The following SHPRH variants were observed in gnomAD, a reference collection of about 807,000 sequenced individuals.
SHPRH encodes SNF2 histone linker PHD RING helicase.
SHPRH carries 106 observed loss-of-function variants against 202.5 expected under a neutral mutation model. That is an observed-to-expected ratio of 0.52 (90% confidence interval 0.45 to 0.62). The LOEUF is 0.62. SHPRH is among the 20% of genes least tolerant of loss of function. SHPRH has a pLI of 0.00. For synonymous variants in SHPRH, 729 were observed against 686.0 expected (o/e 1.06, Z -0.98); for missense variants, 1,710 against 2,020.0 (o/e 0.85, Z 2.94).
intron 3 of SHPRH, among the ~76,000 whole-genome samples, chr6:145,950,859 G>A (rs1169860198): frequency 6.3e-5 from 2 of 31,956 alleles, no homozygotes; most frequent in Non-Finnish European, 1.6e-4. Context: ...AAGCTGACAC[G>A]TAGCTGACAC....
intron 15 of SHPRH, 30 bp downstream of exon 15, chr6:145,927,159 T>C: frequency 6.3e-7 from 1 of 1,585,442 alleles, no homozygotes; most frequent in Non-Finnish European, 8.6e-7. Flanking sequence ...ACAAACAGAA[T>C]ACCTATGAAA....
chr6:145,860,502 T>C (rs13214591), downstream of SHPRH, among the ~76,000 whole-genome samples: 1 of 151,912 alleles, frequency 6.6e-6, no homozygotes, highest in African/African-American at 2.4e-5. Flanking sequence ...ATTTAAAAGA[T>C]ACAAATAAAT....
intron 25 of SHPRH, among the ~76,000 whole-genome samples, chr6:145,899,894 G>A (rs562100530): frequency 8.5e-5 from 13 of 152,096 alleles, no homozygotes; most frequent in Non-Finnish European, 1.5e-4. Context: ...AACAGGTCTA[G>A]GAAAAGGTGC....
At chr6:145,928,159 C>T (rs1328376898) in intron 14 of SHPRH, among the ~76,000 whole-genome samples, 1 of 151,948 alleles carries the variant, frequency 6.6e-6, no homozygotes, top group Non-Finnish European at 1.5e-5. Context: ...TGTTGTACTA[C>T]AACAGCCAAG....
intron 14 of SHPRH, 43 bp from the exon 15 acceptor site, chr6:145,927,320 T>C (rs372160609): frequency 1.3e-6 from 2 of 1,524,848 alleles, no homozygotes; most frequent in Non-Finnish European, 1.8e-6. Context: ...GAGTCACATA[T>C]TTAGTTCCCA....
At chr6:145,908,933 G>T (rs1403458505) in intron 25 of SHPRH, 1 of 152,084 alleles carries the variant, frequency 6.6e-6, no homozygotes, top group East Asian at 1.9e-4. Context: ...TGTGTAAGGT[G>T]TAAGGAAGGG....
chr6:145,944,737 T>C (rs902745580), intron 8 of SHPRH, among the ~76,000 whole-genome samples: 1 of 152,098 alleles, frequency 6.6e-6, no homozygotes, highest in African/African-American at 2.4e-5. Flanking sequence ...TGATTGCAAA[T>C]ATTATAACTA....
At chr6:145,933,674 A>T (rs1218515739) in intron 13 of SHPRH, among the ~76,000 whole-genome samples, 1 of 152,184 alleles carries the variant, frequency 6.6e-6, no homozygotes, top group Non-Finnish European at 1.5e-5. Flanking sequence ...ATCTTTTGAA[A>T]TTTACTATGT....
chr6:145,863,640 T>C (rs982620551), downstream of SHPRH, among the ~76,000 whole-genome samples: 6 of 151,832 alleles, frequency 4.0e-5, no homozygotes, highest in African/African-American at 1.5e-4. Flanking sequence ...TAGGGGAGAG[T>C]GTCTGAGATG....
intron 11 of SHPRH, among the ~76,000 whole-genome samples, chr6:145,940,343 C>T (rs934904479): frequency 2.0e-5 from 3 of 150,950 alleles, no homozygotes; most frequent in African/African-American, 7.3e-5. Context: ...AAATTAATTC[C>T]CTTTCTCTCT....
intron 11 of SHPRH, among the ~76,000 whole-genome samples, chr6:145,936,419 TC>T (rs1209899873): frequency 2.6e-5 from 4 of 152,110 alleles, no homozygotes. Flanking sequence ...AGCCTCAACT[TC>T]CTGGGCTCAA....
At chr6:145,901,295 C>T (rs906581565) in intron 25 of SHPRH, among the ~76,000 whole-genome samples, 1 of 152,126 alleles carries the variant, frequency 6.6e-6, no homozygotes, top group African/African-American at 2.4e-5. Context: ...GAGCACTACA[C>T]ACATTCTACT....
chr6:145,900,251 G>T (rs1782377849), intron 25 of SHPRH, among the ~76,000 whole-genome samples: 1 of 152,236 alleles, frequency 6.6e-6, no homozygotes, highest in South Asian at 2.1e-4. Flanking sequence ...TGGAATCAAT[G>T]TAAGTGTCCA....
intron 2 of SHPRH, among the ~76,000 whole-genome samples, chr6:145,867,480 G>T (rs1231579221): frequency 6.6e-6 from 1 of 151,336 alleles, no homozygotes; most frequent in African/African-American, 2.4e-5. Context: ...CACTACAAGA[G>T]AGAGGCAAAA....
chr6:145,911,924 GT>G (rs1783532022), intron 24 of SHPRH, among the ~76,000 whole-genome samples: 1 of 152,030 alleles, frequency 6.6e-6, no homozygotes, highest in Non-Finnish European at 1.5e-5. Flanking sequence ...TTGAAGAGCT[GT>G]TTTACTAGCA....
chr6:145,955,375 C>CA, intron 1 of SHPRH, 21 bp from the exon 2 acceptor site: 1 of 1,535,204 alleles, frequency 6.5e-7, no homozygotes, highest in Non-Finnish European at 8.7e-7. Context: ...AATGAAACAA[C>CA]AGGAGGTATA....
chr6:145,945,767 T>C, intron 7 of SHPRH, 130 bp from the exon 8 acceptor site: 1 of 959,020 alleles, frequency 1.0e-6, no homozygotes, highest in Non-Finnish European at 1.4e-6. Flanking sequence ...TACAGCAGAG[T>C]GCCATTTTGA....
At chr6:145,919,563 C>A in intron 21 of SHPRH, 72 bp from the exon 22 acceptor site, 1 of 1,536,530 alleles carries the variant, frequency 6.5e-7, no homozygotes, top group Non-Finnish European at 8.8e-7. Flanking sequence ...CCAAGATGTG[C>A]CTTAAGCAAA....
chr6:145,864,969 ACACACAC>A (rs1779711967), intron 2 of SHPRH, among the ~76,000 whole-genome samples: 3 of 151,788 alleles, frequency 2.0e-5, no homozygotes, highest in Non-Finnish European at 1.5e-5. Context: ...ACACACACAC[ACACACAC>A]ACTTTGAGAC....
Sources: gnomAD v4.1 joint callset for allele counts (sites outside exome capture counted in the v4.1 genomes callset) on GRCh38, gnomAD v4.1.1 for gene constraint, MANE v1.5 for transcripts, NCBI Gene and HGNC (gene_info 2026-07-23, HGNC 2026-07-21) for gene names.